OGFOD3: variants seen among roughly 807,000 people sequenced by gnomAD.
OGFOD3 encodes 2-oxoglutarate and iron-dependent oxygenase domain-containing protein 3.
OGFOD3 carries 35 observed loss-of-function variants against 39.8 expected under a neutral mutation model. The observed-to-expected ratio is 0.88, with a 90% CI of 0.67 to 1.17. The LOEUF (loss-of-function observed/expected upper bound fraction) is 1.17. OGFOD3 is among the 50% of genes most tolerant of loss of function. The pLI is 0.00. For missense variants in OGFOD3, 438 were observed against 454.5 expected, an observed-to-expected ratio of 0.96 and a Z score of 0.33; for synonymous variants, 200 against 192.0, an observed-to-expected ratio of 1.04 and a Z score of -0.34.
Position 82,404,802 on chromosome 17 carries a change from G to T in OGFOD3, c.545+522C>A, listed in dbSNP as rs1253653247. ...GTCACCCAGGCTGGAGTGCAGTGGT[G>T]CAATCTCAGCTCACTGCAACCTCCA... On this transcript the variant is annotated intron_variant, in intron 6 of 8. Coordinates refer to ENST00000313056, the MANE Select transcript of OGFOD3 (RefSeq NM_024648.3). This position sits in a 1 kb window ranked among gnomAD's most constrained non-coding sequence, Gnocchi z 4.5. Among the ~76,000 whole-genome samples the T allele has an allele frequency of 6.8e-6, 1 of 147,628 alleles. No homozygotes were observed. The highest frequency in any genetic ancestry group is 1.5e-5 in the Non-Finnish European group (1 of 67,354).
intron 7 of OGFOD3, among the ~76,000 whole-genome samples, chr17:82,403,187 G>A (rs1476081510): frequency 1.3e-5 from 2 of 152,210 alleles, no homozygotes; most frequent in African/African-American, 4.8e-5. Flanking sequence ...TTAAGCATCA[G>A]TCTGTTAATA....
At chr17:82,401,914 C>T (rs965891841) in intron 7 of OGFOD3, among the ~76,000 whole-genome samples, 8 of 151,816 alleles carry the variant, frequency 5.3e-5, no homozygotes, top group African/African-American at 1.2e-4. Context: ...TCTGTCACAG[C>T]GGGCATGGTG....
At chr17:82,394,382 C>A in intron 8 of OGFOD3, 1 of 1,600,044 alleles carries the variant, frequency 6.2e-7, no homozygotes, top group South Asian at 1.1e-5. Context: ...CAACAATAAG[C>A]AATGCTCTCA....
chr17:82,392,832 C>T lies in OGFOD3; in HGVS notation c.824-298G>A. On this transcript the variant is annotated intron_variant, in intron 8 of 8. Coordinates refer to ENST00000313056, the MANE Select transcript of OGFOD3 (RefSeq NM_024648.3). The surrounding 1 kb of genome is among the most constrained non-coding windows in gnomAD (Gnocchi z 4.2). ...GAGGCCACCACTGGCTCCAGACACC[C>T]CAGGTCATCTGATCTCCCGAGCTCC... is the stretch of plus-strand genomic sequence containing the variant. 1 of 396,134 alleles carries T rather than the reference C, an allele frequency of 2.5e-6. No homozygotes were observed. Among genetic ancestry groups the T allele is most frequent in the Non-Finnish European group, 4.5e-6 (1 of 220,328 alleles). 24.5% of individuals were successfully genotyped at this position (396,134 alleles called of 1,614,324 possible). A position where few individuals can be genotyped will look rare whatever the true frequency, so the allele number is the denominator to read the frequency against.
chr17:82,395,421 T>A (rs921742612), intron 8 of OGFOD3, among the ~76,000 whole-genome samples: 1 of 152,188 alleles, frequency 6.6e-6, no homozygotes, highest in Non-Finnish European at 1.5e-5. Flanking sequence ...GTCCCAACAG[T>A]GAGTCACTGG....
Position 82,415,347 on chromosome 17 carries a change from G to A in OGFOD3, c.304+51C>T. ...TTCCCACCCCTTCGTCGCAGCCAATGTCCTTTAACCACACTGAGTCTCATT... is the reference window on the plus strand; with the variant it reads ...TTCCCACCCCTTCGTCGCAGCCAATATCCTTTAACCACACTGAGTCTCATT... On this transcript the variant is annotated intron_variant, in intron 2 of 8. Transcript: ENST00000313056. This position sits in a 1 kb window ranked among gnomAD's most constrained non-coding sequence, Gnocchi z 5.3. 2 of 1,550,952 alleles carry A rather than the reference G, an allele frequency of 1.3e-6. No individual in the cohort carries two copies. The highest frequency in any genetic ancestry group is 1.8e-6 in the Non-Finnish European group (2 of 1,129,934).
intron 2 of OGFOD3, among the ~76,000 whole-genome samples, chr17:82,412,032 A>AGCTTGTGGGTCT (rs2052954999): frequency 4.2e-5 from 3 of 70,898 alleles, no homozygotes; most frequent in African/African-American, 4.3e-5. Context: ...ACCAGAGAGG[A>AGCTTGTGGGTCT]AGACCCTCCT....
At position 82,415,878 on chromosome 17, in the gene OGFOD3, G is replaced by T. The variant is rs1474217364; in HGVS notation, c.75-251C>A. Among the ~76,000 whole-genome samples, 1 of 148,764 alleles carries T rather than the reference G, an allele frequency of 6.7e-6. No homozygotes were observed. The highest frequency in any genetic ancestry group is 6.7e-5 in the Admixed American group (1 of 14,888). ...GGAGTTTGAGAAATATTGCAATAGAGACTCATGGGTTTTAAGCAAAAGAAA... is the reference window on the plus strand; with the variant it reads ...GGAGTTTGAGAAATATTGCAATAGATACTCATGGGTTTTAAGCAAAAGAAA... On this transcript the variant is annotated intron_variant, in intron 1 of 8. Coordinates refer to ENST00000313056, the MANE Select transcript of OGFOD3 (RefSeq NM_024648.3). This position sits in a 1 kb window ranked among gnomAD's most constrained non-coding sequence, Gnocchi z 5.3.
At chr17:82,412,918 A>C (rs2052974663) in intron 2 of OGFOD3, among the ~76,000 whole-genome samples, 1 of 152,172 alleles carries the variant, frequency 6.6e-6, no homozygotes. Context: ...GACCATGGGA[A>C]TAAAAGCCTC....
At chr17:82,403,713 A>G (rs530480906) in intron 7 of OGFOD3, among the ~76,000 whole-genome samples, 6 of 151,926 alleles carry the variant, frequency 3.9e-5, no homozygotes, top group Admixed American at 3.3e-4. Context: ...AGGCCACGGG[A>G]GAACAGGCCT....
At chr17:82,399,394 G>A (rs1180918698) in intron 7 of OGFOD3, among the ~76,000 whole-genome samples, 3 of 152,198 alleles carry the variant, frequency 2.0e-5, no homozygotes, top group Non-Finnish European at 4.4e-5. Flanking sequence ...CAGAGGCAGC[G>A]GTGGACGCGC....
chr17:82,392,282 A>T lies in OGFOD3; in HGVS notation c.*116T>A. ...ATTAACACGTCAGCAAATCAAAATC[A>T]GAGAATTCCTAAGGCACTCTGTGCA... On this transcript the variant is annotated 3_prime_UTR_variant, in exon 9 of 9. Coordinates refer to ENST00000313056, the MANE Select transcript of OGFOD3 (RefSeq NM_024648.3). The surrounding 1 kb of genome is among the most constrained non-coding windows in gnomAD (Gnocchi z 4.2). The T allele has an allele frequency of 8.7e-7, 1 of 1,145,250 alleles. No individual in the cohort carries two copies. The highest frequency in any genetic ancestry group is 1.2e-6 in the Non-Finnish European group (1 of 818,246). The allele number at this position is 1,145,250 out of a possible 1,614,324, so 70.9% of individuals were successfully genotyped here.
In OGFOD3 at chr17:82,402,904, C is replaced by T. The variant is rs140353741; in HGVS notation, c.699+1033G>A. ...CCCTGTGTCTACAAAAATAGAAAAA[C>T]GAGCCAGGCGTCGGGGCACGCACCT... On this transcript the variant is annotated intron_variant, in intron 7 of 8. Transcript: ENST00000313056. 1.1e-4 allele frequency among the ~76,000 whole-genome samples: 17 copies of T among 152,142 alleles called. No homozygotes were observed. In the South Asian group the frequency reaches 2.5e-3, roughly 22 times the overall value.
chr17:82,404,091 C>G lies in OGFOD3; in HGVS notation c.546-1G>C, dbSNP rs767573284. 10 of 1,588,076 alleles carry G rather than the reference C, an allele frequency of 6.3e-6. No homozygotes were observed. The highest frequency in any genetic ancestry group is 7.7e-6 in the Non-Finnish European group (9 of 1,165,590). On this transcript the variant is annotated splice_acceptor_variant, in intron 6 of 8. Coordinates refer to ENST00000313056, the MANE Select transcript of OGFOD3 (RefSeq NM_024648.3). LOFTEE classifies it high-confidence loss of function. This position sits in a 1 kb window ranked among gnomAD's most constrained non-coding sequence, Gnocchi z 4.5. ...GAGCTGGACCTTCTGCCGCACCTCC[C>G]TGCAGAGGACACAATAGCCGTCAGC...
chr17:82,415,501 G>C lies in OGFOD3; in HGVS notation c.201C>G (p.Asp67Glu), dbSNP rs8072110. 1 of 1,613,608 alleles carries C rather than the reference G, an allele frequency of 6.2e-7. No homozygotes were observed. Among genetic ancestry groups the C allele is most frequent in the Admixed American group, 1.7e-5 (1 of 59,994 alleles). Residue 67 changes from aspartate (D) to glutamate (E), a missense_variant, in exon 2 of 9, where the codon GAC becomes GAG. Coordinates refer to ENST00000313056, the MANE Select transcript of OGFOD3 (RefSeq NM_024648.3). The surrounding 1 kb of genome is among the most constrained non-coding windows in gnomAD (Gnocchi z 5.3). ...GGGCCAGGACCTCTGCGACCCCGTC[G>C]TCGGCCCCCAAGCTGCTCCAGAGCA... is the stretch of plus-strand genomic sequence containing the variant. ...ALLLWSSLGADDGVAEVLARR... is the reference protein window; with the variant it reads ...ALLLWSSLGAEDGVAEVLARR...
intron 1 of OGFOD3, among the ~76,000 whole-genome samples, chr17:82,416,502 C>A (rs752174759): frequency 6.6e-6 from 1 of 152,078 alleles, no homozygotes; most frequent in Non-Finnish European, 1.5e-5. Context: ...CAGGGCCGCA[C>A]TCCCTCCCCT....
rs955968541 is a variant in OGFOD3 at position 82,403,882 on chromosome 17, C to G, written c.699+55G>C. 26 of 1,546,360 alleles carry G rather than the reference C, an allele frequency of 1.7e-5. No homozygotes were observed. In the African/African-American group the frequency reaches 2.7e-4, roughly 16 times the overall value. On this transcript the variant is annotated intron_variant, in intron 7 of 8. Transcript: ENST00000313056. ...CCCACGTGCGCACTCACCGTGCCCA[C>G]GGGCACGCTCACCTTGTCCACGGGC... is the stretch of plus-strand genomic sequence containing the variant.
Position 82,404,232 on chromosome 17 carries a change from CAG to C in OGFOD3, c.546-144_546-143del. On this transcript the variant is annotated intron_variant, in intron 6 of 8. Transcript: ENST00000313056. This position sits in a 1 kb window ranked among gnomAD's most constrained non-coding sequence, Gnocchi z 4.5. ...CGGGGGCTCCCAAGCACACCGGGAA[CAG>C]ATACCGGCTCCGCCTGGGAACGACG... 2.1e-6 allele frequency: 2 copies of C among 938,290 alleles called. No individual in the cohort carries two copies. The highest frequency in any genetic ancestry group is 3.1e-6 in the Non-Finnish European group (2 of 647,200). 58.1% of individuals were successfully genotyped at this position (938,290 alleles called of 1,614,324 possible).
intron 8 of OGFOD3, chr17:82,394,533 A>G (rs765372195): frequency 6.2e-7 from 1 of 1,611,196 alleles, no homozygotes; most frequent in South Asian, 1.1e-5. Context: ...TCATCCGGAA[A>G]CAAAAACATC....
Sources: gnomAD v4.1 joint callset for allele counts (sites outside exome capture counted in the v4.1 genomes callset) on GRCh38, gnomAD v4.1.1 for gene constraint, Gnocchi (gnomAD v3.1) non-coding constraint, MANE v1.5 for transcripts, NCBI Gene and HGNC (gene_info 2026-07-23, HGNC 2026-07-21) for gene names.